The following GABRG3 variants were observed in gnomAD, a reference collection of about 807,000 sequenced individuals.
GABRG3 encodes the protein gamma-aminobutyric acid type A receptor subunit gamma3, also known as gamma-aminobutyric acid receptor subunit gamma-3.
In GABRG3, 25 loss-of-function variants were observed where a neutral mutation model predicts 48.8. That is an observed-to-expected ratio of 0.51 (90% confidence interval 0.37 to 0.72). The LOEUF (loss-of-function observed/expected upper bound fraction) is 0.72. GABRG3 is among the 30% of genes least tolerant of loss of function. GABRG3 has a pLI of 0.00. For missense variants in GABRG3, 394 were observed against 577.9 expected, an observed-to-expected ratio of 0.68 and a Z score of 3.26; for synonymous variants, 227 against 217.6, an observed-to-expected ratio of 1.04 and a Z score of -0.38.
intron 2 of GABRG3, among the ~76,000 whole-genome samples, chr15:27,005,870 T>A (rs1450974535): frequency 2.0e-5 from 3 of 152,306 alleles, no homozygotes; most frequent in Non-Finnish European, 2.9e-5. Context: ...CCCTAATTTG[T>A]ACCTTTGGAA....
chr15:27,403,396 C>A (rs979582537), intron 5 of GABRG3, among the ~76,000 whole-genome samples: 6 of 152,042 alleles, frequency 3.9e-5, no homozygotes, highest in African/African-American at 1.2e-4. Flanking sequence ...ATGAAAGACA[C>A]CAAATCAAAA....
At chr15:27,227,532 T>G (rs1566972028) in intron 3 of GABRG3, among the ~76,000 whole-genome samples, 1 of 152,100 alleles carries the variant, frequency 6.6e-6, no homozygotes. Flanking sequence ...ATATATATTT[T>G]TTAAATTATC....
intron 3 of GABRG3, among the ~76,000 whole-genome samples, chr15:27,301,701 CAAAG>C (rs1297638840): frequency 2.0e-5 from 3 of 151,454 alleles, no homozygotes; most frequent in Non-Finnish European, 2.9e-5. Flanking sequence ...CAAAAACAAA[CAAAG>C]AAGAAAACTC....
rs1895654552 is a variant in GABRG3 at position 27,009,917 on chromosome 15, C to T, written c.203-16837C>T. Among the ~76,000 whole-genome samples, 3 of 152,056 alleles carry T rather than the reference C, an allele frequency of 2.0e-5. No individual in the cohort carries two copies. In the South Asian group the frequency reaches 6.2e-4, roughly 32 times the overall value. On this transcript the variant is annotated intron_variant, in intron 2 of 9. Transcript: ENST00000615808. Reference sequence around the variant, plus strand: ...CCACCACCTCTTCCTCCTTCTGCTTCTGCTGCTTCTTCTTCTTTCTTCATT... The same window carrying T: ...CCACCACCTCTTCCTCCTTCTGCTTTTGCTGCTTCTTCTTCTTTCTTCATT...
chr15:27,133,170 A>G (rs1449710864), intron 3 of GABRG3, among the ~76,000 whole-genome samples: 1 of 151,988 alleles, frequency 6.6e-6, no homozygotes, highest in African/African-American at 2.4e-5. Flanking sequence ...TTTTTCCCTA[A>G]ACTATAGAGA....
chr15:27,093,660 A>G (rs921632419), intron 3 of GABRG3, among the ~76,000 whole-genome samples: 1 of 152,202 alleles, frequency 6.6e-6, no homozygotes, highest in Non-Finnish European at 1.5e-5. Context: ...TTTTAGAAAG[A>G]TATCAGGCTA....
chr15:27,427,537 G>A (rs761619890), intron 5 of GABRG3, among the ~76,000 whole-genome samples: 2 of 152,178 alleles, frequency 1.3e-5, no homozygotes, highest in Non-Finnish European at 2.9e-5. Context: ...TGACACAGAA[G>A]AAGTATGTAA....
intron 5 of GABRG3, among the ~76,000 whole-genome samples, chr15:27,360,163 G>T (rs184493738): frequency 2.0e-5 from 3 of 152,274 alleles, no homozygotes; most frequent in Admixed American, 2.0e-4. Flanking sequence ...AGGCCCTGCG[G>T]AGGACAGGGA....
intron 3 of GABRG3, among the ~76,000 whole-genome samples, chr15:27,164,630 A>G (rs2045153): frequency 0.34 from 51,879 of 152,060 alleles, 9,106 homozygotes; most frequent in Middle Eastern, 0.38. Context: ...ATTTGTCATG[A>G]CATTTACTTT....
At chr15:27,455,017 G>A (rs1487239862) in intron 5 of GABRG3, among the ~76,000 whole-genome samples, 4 of 152,134 alleles carry the variant, frequency 2.6e-5, no homozygotes, top group East Asian at 3.8e-4. Flanking sequence ...GGCATCATTC[G>A]CATTTACTGT....
At chr15:27,230,759 T>G (rs2140447100) in intron 3 of GABRG3, among the ~76,000 whole-genome samples, 1 of 152,188 alleles carries the variant, frequency 6.6e-6, no homozygotes, top group South Asian at 2.1e-4. Flanking sequence ...ATTTATTTAT[T>G]TTTACTTTTG....
intron 2 of GABRG3, among the ~76,000 whole-genome samples, chr15:27,003,882 G>A (rs1255825415): frequency 1.3e-5 from 2 of 149,872 alleles, no homozygotes; most frequent in Non-Finnish European, 3.0e-5. Context: ...TCCCAGACGG[G>A]GCGGCTGGCC....
At chr15:27,020,475 T>C (rs1051545267) in intron 2 of GABRG3, among the ~76,000 whole-genome samples, 2 of 152,134 alleles carry the variant, frequency 1.3e-5, no homozygotes, top group African/African-American at 2.4e-5. Context: ...GCAGTGGCGC[T>C]ATCTCGGCTC....
chr15:27,388,371 AG>A (rs1896106480), intron 5 of GABRG3, among the ~76,000 whole-genome samples: 1 of 118,418 alleles, frequency 8.4e-6, no homozygotes, highest in African/African-American at 3.4e-5. Context: ...GAAGGAAGAA[AG>A]GAAGGAAGGA....
intron 3 of GABRG3, chr15:27,208,634 A>G (rs985022462): frequency 2.6e-5 from 4 of 155,500 alleles, no homozygotes; most frequent in African/African-American, 7.2e-5. Flanking sequence ...AGGGCCTGTC[A>G]TGGCAGCAGT....
chr15:27,221,052 G>T (rs1889437671), intron 3 of GABRG3, among the ~76,000 whole-genome samples: 1 of 151,636 alleles, frequency 6.6e-6, no homozygotes, highest in African/African-American at 2.4e-5. Flanking sequence ...TAATAAACAA[G>T]ATTCAGGGAG....
intron 3 of GABRG3, among the ~76,000 whole-genome samples, chr15:27,178,208 G>A (rs1028869671): frequency 3.1e-4 from 47 of 152,170 alleles, no homozygotes; most frequent in African/African-American, 9.2e-4. Context: ...TAACTCTTGG[G>A]CTAATGGAGT....
At chr15:27,337,590 G>T (rs557279612) in intron 5 of GABRG3, among the ~76,000 whole-genome samples, 2 of 152,142 alleles carry the variant, frequency 1.3e-5, no homozygotes, top group Non-Finnish European at 1.5e-5. Flanking sequence ...TGAGACCCAC[G>T]CAGAGGTCTT....
intron 5 of GABRG3, among the ~76,000 whole-genome samples, chr15:27,421,777 G>A (rs565730801): frequency 6.6e-6 from 1 of 152,210 alleles, no homozygotes; most frequent in African/African-American, 2.4e-5. Context: ...CATGGGAGTG[G>A]GCTGCTTATC....
Sources: allele counts gnomAD v4.1 joint callset (sites outside exome capture counted in the v4.1 genomes callset), GRCh38; gene constraint gnomAD v4.1.1; transcripts MANE v1.5; gene names NCBI Gene and HGNC (gene_info 2026-07-23, HGNC 2026-07-21).